The following NEDD4L variants were observed in gnomAD, a reference collection of about 807,000 sequenced individuals.
NEDD4L encodes the protein NEDD4 like E3 ubiquitin protein ligase.
A neutral mutation model predicts 148.9 loss-of-function variants in NEDD4L; 54 were observed. The ratio of observed to expected loss-of-function variants is 0.36; its 90% CI spans 0.29 to 0.45. NEDD4L has a LOEUF of 0.45. Among genes scored for constraint, NEDD4L ranks in the 20% least tolerant of loss-of-function variants. The pLI is 1.00. For synonymous variants in NEDD4L, 433 were observed against 440.7 expected (o/e 0.98, Z 0.22); for missense variants, 856 against 1,233.8 (o/e 0.69, Z 4.59).
intron 2 of NEDD4L, chr18:58,195,508 G>C (rs1166180350): frequency 3.0e-6 from 4 of 1,345,090 alleles, no homozygotes; most frequent in Non-Finnish European, 3.9e-6. Context: ...GGGTGGCTGC[G>C]CAGGGCCCTA....
At chr18:58,173,584 C>G (rs774075388) in intron 2 of NEDD4L, among the ~76,000 whole-genome samples, 1 of 152,184 alleles carries the variant, frequency 6.6e-6, no homozygotes, top group Non-Finnish European at 1.5e-5. Context: ...ACACAGCTCA[C>G]CTCAGTCCCC....
At chr18:58,211,578 G>A (rs369279187) in intron 2 of NEDD4L, among the ~76,000 whole-genome samples, 3 of 152,234 alleles carry the variant, frequency 2.0e-5, no homozygotes, top group Admixed American at 6.5e-5. Context: ...TTGTGATTCC[G>A]GTTAGAATTT....
intron 24 of NEDD4L, among the ~76,000 whole-genome samples, chr18:58,381,590 G>A (rs1365157785): frequency 3.9e-5 from 6 of 152,174 alleles, no homozygotes; most frequent in African/African-American, 1.4e-4. Context: ...GAGCTGTACC[G>A]AAAGCCTTCT....
intron 9 of NEDD4L, 114 bp from the exon 10 acceptor site, chr18:58,328,881 G>A (rs1601315289): frequency 2.4e-5 from 27 of 1,148,008 alleles, no homozygotes; most frequent in Non-Finnish European, 3.4e-5. Flanking sequence ...AGTTGTCAGT[G>A]TTTGACGCTG....
intron 2 of NEDD4L, among the ~76,000 whole-genome samples, chr18:58,183,063 G>A (rs538070302): frequency 1.3e-5 from 2 of 152,326 alleles, no homozygotes; most frequent in South Asian, 4.1e-4. Context: ...AGAAGTGTCT[G>A]ACAGCAGTAA....
At position 58,044,577 on chromosome 18, in the gene NEDD4L, C is replaced by T. The variant is rs1378100439; in HGVS notation, c.-84C>T. 1.2e-5 allele frequency: 18 copies of T among 1,450,162 alleles called. No individual in the cohort carries two copies. The highest frequency in any genetic ancestry group is 2.9e-5 in the African/African-American group (2 of 68,170). The allele number at this position is 1,450,162 out of a possible 1,614,324, so 89.8% of individuals were successfully genotyped here. On this transcript the variant is annotated 5_prime_UTR_variant, in exon 1 of 31. Coordinates refer to ENST00000400345, the MANE Select transcript of NEDD4L (RefSeq NM_001144967.3). Reference sequence around the variant, plus strand: ...GGGTAGGGTGCGGGACCGGGGGGACCTGGAGGCAGAGGGGAGAACCGGCCG... The same window carrying T: ...GGGTAGGGTGCGGGACCGGGGGGACTTGGAGGCAGAGGGGAGAACCGGCCG...
intron 22 of NEDD4L, 90 bp from the exon 23 acceptor site, chr18:58,370,307 C>T (rs2046684453): frequency 2.5e-6 from 2 of 805,488 alleles, no homozygotes; most frequent in African/African-American, 1.7e-5. Flanking sequence ...TTCTCATTTA[C>T]ATTGAAAGCA....
intron 19 of NEDD4L, chr18:58,357,493 C>T (rs1461492108): frequency 3.0e-6 from 2 of 665,472 alleles, no homozygotes; most frequent in Non-Finnish European, 2.8e-6. Context: ...CAGAATTAAA[C>T]ATTTTTCTTC....
At chr18:58,165,739 T>A in intron 1 of NEDD4L, 49 bp from the exon 2 acceptor site, 1 of 1,515,688 alleles carries the variant, frequency 6.6e-7, no homozygotes, top group South Asian at 1.2e-5. Flanking sequence ...AGAGAGTGAT[T>A]GATTGAAGAT....
intron 1 of NEDD4L, among the ~76,000 whole-genome samples, chr18:58,130,713 A>G (rs2031963583): frequency 2.2e-5 from 3 of 139,068 alleles, no homozygotes; most frequent in South Asian, 5.0e-4. Context: ...GCTGTGATCT[A>G]GTGGAACTGT....
Position 58,373,215 on chromosome 18 carries a change from T to C in NEDD4L, c.2298T>C (p.Asn766=). The part of the protein sequence containing the change: ...YYNSLKWILE[N]DPTELDLMFC... ...ACTCTTTGAAATGGATCCTGGAGAA[T>C]GACCCTACTGAGCTGGACCTCATGT... Residue 766 remains asparagine, a synonymous_variant, in exon 24 of 31, where the codon AAT becomes AAC. Coordinates refer to ENST00000400345, the MANE Select transcript of NEDD4L (RefSeq NM_001144967.3). 1 of 1,579,074 alleles carries C rather than the reference T, an allele frequency of 6.3e-7. No homozygotes were observed. Among genetic ancestry groups the C allele is most frequent in the South Asian group, 1.2e-5 (1 of 86,082 alleles).
At chr18:58,161,119 C>G (rs1045373219) in intron 1 of NEDD4L, among the ~76,000 whole-genome samples, 2 of 152,074 alleles carry the variant, frequency 1.3e-5, no homozygotes, top group South Asian at 2.1e-4. Context: ...TGGGTTCAAG[C>G]GATTCTCCTG....
intron 1 of NEDD4L, among the ~76,000 whole-genome samples, chr18:58,149,106 A>G (rs2034405949): frequency 6.6e-6 from 1 of 152,212 alleles, no homozygotes; most frequent in Non-Finnish European, 1.5e-5. Flanking sequence ...CGTGGGGAAA[A>G]CATGAAATAT....
intron 2 of NEDD4L, among the ~76,000 whole-genome samples, chr18:58,219,151 G>A (rs1323505758): frequency 2.0e-5 from 3 of 152,192 alleles, no homozygotes; most frequent in Non-Finnish European, 4.4e-5. Context: ...ATTTCTCTGG[G>A]TTAGGGAAAA....
At position 58,401,246 on chromosome 18, in the gene NEDD4L, A is replaced by C. The variant is rs1333500812; in HGVS notation, c.*4977A>C. ...ACCTCCTAATAGGAAGCCAAGTACT[A>C]TTTGATACAGTGGTAAAAACCAAAC... On this transcript the variant is annotated 3_prime_UTR_variant, in exon 31 of 31. Transcript: ENST00000400345. 1 of 152,244 alleles carries C rather than the reference A, an allele frequency of 6.6e-6. No individual in the cohort carries two copies. The highest frequency in any genetic ancestry group is 1.5e-5 in the Non-Finnish European group (1 of 68,036). The allele number at this position is 152,244 out of a possible 1,614,324, so 9.4% of individuals were successfully genotyped here.
At chr18:58,158,118 T>A (rs988452367) in intron 1 of NEDD4L, among the ~76,000 whole-genome samples, 2 of 152,210 alleles carry the variant, frequency 1.3e-5, no homozygotes, top group Non-Finnish European at 2.9e-5. Flanking sequence ...TCTGAAGGCT[T>A]GACTGGAACA....
chr18:58,373,220 C>A lies in NEDD4L; in HGVS notation c.2303C>A (p.Pro768His). 6 of 1,579,934 alleles carry A rather than the reference C, an allele frequency of 3.8e-6. No homozygotes were observed. Among genetic ancestry groups the A allele is most frequent in the Non-Finnish European group, 5.2e-6 (6 of 1,160,218 alleles). The change falls in exon 24 of 31, where the codon CCT becomes CAT. Residue 768 changes from proline to histidine, a missense_variant. Coordinates refer to ENST00000400345, the MANE Select transcript of NEDD4L (RefSeq NM_001144967.3). ...NSLKWILENDPTELDLMFCID... is the reference protein window; with the variant it reads ...NSLKWILENDHTELDLMFCID... Reference sequence around the variant, plus strand: ...TTGAAATGGATCCTGGAGAATGACCCTACTGAGCTGGACCTCATGTTCTGC... The same window carrying A: ...TTGAAATGGATCCTGGAGAATGACCATACTGAGCTGGACCTCATGTTCTGC...
intron 2 of NEDD4L, among the ~76,000 whole-genome samples, chr18:58,231,458 A>T (rs991914368): frequency 6.6e-6 from 1 of 152,120 alleles, no homozygotes; most frequent in Admixed American, 6.5e-5. Flanking sequence ...GGGGGAAAGC[A>T]TGAAGGATGA....
At chr18:58,233,370 A>G (rs1342847209) in intron 2 of NEDD4L, among the ~76,000 whole-genome samples, 1 of 152,224 alleles carries the variant, frequency 6.6e-6, no homozygotes, top group East Asian at 1.9e-4. Flanking sequence ...CCTCACAATC[A>G]TGGTAGAAGG....
Sources: gnomAD v4.1 joint callset for allele counts (sites outside exome capture counted in the v4.1 genomes callset) on GRCh38, gnomAD v4.1.1 for gene constraint, MANE v1.5 for transcripts, NCBI Gene and HGNC (gene_info 2026-07-23, HGNC 2026-07-21) for gene names.